SUCLG2: variants seen among roughly 807,000 people sequenced by gnomAD.
SUCLG2 encodes the protein succinate--CoA ligase [GDP-forming] subunit beta, mitochondrial.
Under a neutral mutation model 47.9 loss-of-function variants are expected in SUCLG2, and 42 were observed. The observed-to-expected ratio is 0.88, with a 90% CI of 0.69 to 1.14. The LOEUF is 1.14. Among genes scored for constraint, SUCLG2 ranks in the 50% most tolerant of loss-of-function variants. The pLI, the probability that SUCLG2 is intolerant of heterozygous loss-of-function variation, is 0.00. For missense variants in SUCLG2, 571 were observed against 525.9 expected (o/e 1.09, Z -0.84); for synonymous variants, 195 against 197.3 (o/e 0.99, Z 0.10).
At chr3:67,538,378 T>C (rs1456408580) in intron 2 of SUCLG2, among the ~76,000 whole-genome samples, 2 of 152,192 alleles carry the variant, frequency 1.3e-5, no homozygotes, top group Non-Finnish European at 2.9e-5. Context: ...CAGATGGTTG[T>C]AGATGTGTGG....
intron 2 of SUCLG2, among the ~76,000 whole-genome samples, chr3:67,580,673 G>A (rs1365319492): frequency 5.3e-5 from 8 of 152,216 alleles, no homozygotes; most frequent in South Asian, 2.1e-4. Context: ...GGGTGCGAAC[G>A]TTACCTATGG....
intron 6 of SUCLG2, among the ~76,000 whole-genome samples, chr3:67,509,544 T>C (rs1309922137): frequency 6.6e-6 from 1 of 152,210 alleles, no homozygotes; most frequent in African/African-American, 2.4e-5. Context: ...TGCTTGAAAT[T>C]CACTCATTCA....
chr3:67,456,570 A>G (rs1441117074), intron 9 of SUCLG2, among the ~76,000 whole-genome samples: 1 of 152,240 alleles, frequency 6.6e-6, no homozygotes, highest in Admixed American at 6.5e-5. Flanking sequence ...ATTCAACTCA[A>G]ACAAGGGTAT....
At chr3:67,595,106 G>T (rs1019802246) in intron 2 of SUCLG2, among the ~76,000 whole-genome samples, 5 of 152,168 alleles carry the variant, frequency 3.3e-5, no homozygotes, top group African/African-American at 1.2e-4. Context: ...AGCAATGAAA[G>T]TATCATTCTC....
chr3:67,481,311 A>G (rs994343631), intron 9 of SUCLG2, among the ~76,000 whole-genome samples: 11 of 152,178 alleles, frequency 7.2e-5, no homozygotes, highest in African/African-American at 2.4e-4. Flanking sequence ...CCAACCACAC[A>G]CTTTCGAGCA....
chr3:67,521,806 G>A (rs1017788150), intron 4 of SUCLG2, among the ~76,000 whole-genome samples: 1 of 151,824 alleles, frequency 6.6e-6, no homozygotes, highest in African/African-American at 2.4e-5. Flanking sequence ...TTTTAGTAGA[G>A]ATGGGGATTC....
At chr3:67,372,502 G>C (rs571793019), downstream of SUCLG2, among the ~76,000 whole-genome samples, 79 of 152,260 alleles carry the variant, frequency 5.2e-4, no homozygotes, top group Admixed American at 1.8e-3. Context: ...CAGCCCTTTG[G>C]TAGTTTAATA....
chr3:67,585,980 AAAAAAAAAAAAC>A lies in SUCLG2; in HGVS notation c.226+23463_226+23474del, dbSNP rs769507942. ...AGACTCCATTTCAAAAAAAAAAAAA[AAAAAAAAAAAAC>A]CAAACCCACAAAGACTCCTGCTTTA... On this transcript the variant is annotated intron_variant, in intron 2 of 10. Coordinates refer to ENST00000307227, the MANE Select transcript of SUCLG2 (RefSeq NM_003848.4). Among the ~76,000 whole-genome samples, 210 of 48,726 alleles carry A rather than the reference AAAAAAAAAAAAC, an allele frequency of 4.3e-3. 2 individuals are homozygous for A. Among genetic ancestry groups the A allele is most frequent in the Admixed American group, 0.014 (48 of 3,380 alleles). 32.0% of individuals were successfully genotyped at this position (48,726 alleles called of 152,430 possible).
chr3:67,484,189 C>A (rs1478744674), intron 9 of SUCLG2, among the ~76,000 whole-genome samples: 1 of 152,184 alleles, frequency 6.6e-6, no homozygotes, highest in Non-Finnish European at 1.5e-5. Flanking sequence ...CCTCATCCCA[C>A]TCTCTGCAAA....
intron 1 of SUCLG2, among the ~76,000 whole-genome samples, chr3:67,627,485 A>T (rs1700853629): frequency 6.6e-6 from 1 of 152,202 alleles, no homozygotes. Flanking sequence ...GAGGACCTAG[A>T]CTTGGGCCAT....
chr3:67,376,263 T>C, intron 10 of SUCLG2: 1 of 985,438 alleles, frequency 1.0e-6, no homozygotes, highest in Non-Finnish European at 1.2e-6. Context: ...CCCAGCTATG[T>C]CCACAAATCC....
intron 1 of SUCLG2, among the ~76,000 whole-genome samples, chr3:67,614,007 G>A: frequency 6.6e-6 from 1 of 152,162 alleles, no homozygotes; most frequent in East Asian, 1.9e-4. Context: ...AGGTGGAGAT[G>A]TGAATAGGTG....
chr3:67,369,597 C>T (rs1013665424), intron 10 of SUCLG2, among the ~76,000 whole-genome samples: 5 of 152,170 alleles, frequency 3.3e-5, no homozygotes. Context: ...GGATGGGAGC[C>T]GTTCCGCTGG....
chr3:67,460,013 C>A (rs889659019), intron 9 of SUCLG2, among the ~76,000 whole-genome samples: 1 of 152,152 alleles, frequency 6.6e-6, no homozygotes, highest in Non-Finnish European at 1.5e-5. Flanking sequence ...GTTTACATAT[C>A]ACTGGCCAGA....
chr3:67,365,898 T>C (rs17806888), intron 10 of SUCLG2, among the ~76,000 whole-genome samples: 13,898 of 152,280 alleles, frequency 0.091, 743 homozygotes, highest in Middle Eastern at 0.23. Context: ...AGGAGTTTCA[T>C]TGTTTGAAAA....
intron 9 of SUCLG2, among the ~76,000 whole-genome samples, chr3:67,448,977 A>G (rs749290590): frequency 6.6e-6 from 1 of 152,234 alleles, no homozygotes; most frequent in African/African-American, 2.4e-5. Flanking sequence ...TGGAAGTAAT[A>G]TAAAAACACT....
At chr3:67,627,236 CA>C (rs1700849114) in intron 1 of SUCLG2, among the ~76,000 whole-genome samples, 1 of 152,092 alleles carries the variant, frequency 6.6e-6, no homozygotes, top group Non-Finnish European at 1.5e-5. Context: ...AGTTATCCCC[CA>C]ACCAATTTTT....
At chr3:67,389,534 G>A (rs754808320) in intron 10 of SUCLG2, among the ~76,000 whole-genome samples, 1 of 152,144 alleles carries the variant, frequency 6.6e-6, no homozygotes, top group Non-Finnish European at 1.5e-5. Context: ...ACTTCCAGTG[G>A]AGAAAAAGTT....
intron 4 of SUCLG2, among the ~76,000 whole-genome samples, chr3:67,523,518 T>G (rs1355032267): frequency 1.3e-5 from 2 of 152,188 alleles, no homozygotes; most frequent in Non-Finnish European, 2.9e-5. Context: ...AATTTCTGAT[T>G]GAGGGGTAGG....
Sources: allele counts gnomAD v4.1 joint callset (sites outside exome capture counted in the v4.1 genomes callset), GRCh38; gene constraint gnomAD v4.1.1; transcripts MANE v1.5; gene names NCBI Gene and HGNC (gene_info 2026-07-23, HGNC 2026-07-21).